Variants in CAP2 observed in about 807,000 individuals in gnomAD.
CAP2 encodes cyclase associated actin cytoskeleton regulatory protein 2.
Under a neutral mutation model 57.7 loss-of-function variants are expected in CAP2, and 24 were observed. That is an observed-to-expected ratio of 0.42 (90% confidence interval 0.30 to 0.58). CAP2 has a LOEUF of 0.58. Among genes scored for constraint, CAP2 ranks in the 20% least tolerant of loss-of-function variants. CAP2 has a pLI of 0.22. For synonymous variants in CAP2, 194 were observed against 207.2 expected, an observed-to-expected ratio of 0.94 and a Z score of 0.55; for missense variants, 501 against 590.3, an observed-to-expected ratio of 0.85 and a Z score of 1.57.
At position 17,556,960 on chromosome 6, in the gene CAP2, T is replaced by C. The variant is rs1262218360; in HGVS notation, c.*518T>C. Reference sequence around the variant, plus strand: ...TGGATACTGTCAGCATGAGTACATATTTCAACCCACGCTTGTAAAAGACAT... The same window carrying C: ...TGGATACTGTCAGCATGAGTACATACTTCAACCCACGCTTGTAAAAGACAT... On this transcript the variant is annotated 3_prime_UTR_variant, in exon 13 of 13. Transcript: ENST00000229922. 2 of 147,686 alleles carry C rather than the reference T, an allele frequency of 1.4e-5. No individual in the cohort carries two copies. Among genetic ancestry groups the C allele is most frequent in the East Asian group, 4.0e-4 (2 of 5,018 alleles). The allele number at this position is 147,686 out of a possible 1,614,324, so 9.1% of individuals were successfully genotyped here.
At chr6:17,424,445 T>A (rs2113536053) in intron 2 of CAP2, among the ~76,000 whole-genome samples, 1 of 152,324 alleles carries the variant, frequency 6.6e-6, no homozygotes, top group South Asian at 2.1e-4. Flanking sequence ...CCCTTACAAA[T>A]GCATAATAGG....
chr6:17,556,513 G>C lies in CAP2; in HGVS notation c.*71G>C. On this transcript the variant is annotated 3_prime_UTR_variant, in exon 13 of 13. Coordinates refer to ENST00000229922, the MANE Select transcript of CAP2 (RefSeq NM_006366.3). ...ACAAACAAAAAAGCAGCAGTAAAGA[G>C]CTAGAAGTTGCAGTAGCCCCTACTG... 1 of 1,097,940 alleles carries C rather than the reference G, an allele frequency of 9.1e-7. No individual in the cohort carries two copies. Among genetic ancestry groups the C allele is most frequent in the Non-Finnish European group, 1.4e-6 (1 of 710,842 alleles). 68.0% of individuals were successfully genotyped at this position (1,097,940 alleles called of 1,614,324 possible).
chr6:17,397,100 C>T (rs13208812), intron 1 of CAP2, among the ~76,000 whole-genome samples: 37,991 of 151,966 alleles, frequency 0.25, 4,947 homozygotes, highest in South Asian at 0.35. Context: ...CTCTCTGTCG[C>T]CCAGGCTGGA....
At chr6:17,496,032 G>GT (rs1761660144) in intron 4 of CAP2, among the ~76,000 whole-genome samples, 2 of 132,524 alleles carry the variant, frequency 1.5e-5, no homozygotes, top group African/African-American at 5.8e-5. Flanking sequence ...GTGGGTGGGG[G>GT]GGGGGGGTAA....
chr6:17,432,719 C>CCTGG (rs1554122121), intron 3 of CAP2, among the ~76,000 whole-genome samples: 1 of 151,038 alleles, frequency 6.6e-6, no homozygotes, highest in East Asian at 2.0e-4. Context: ...CCCTCCACCC[C>CCTGG]CTTGCTTGCT....
chr6:17,480,084 C>T (rs1179640284), intron 4 of CAP2, among the ~76,000 whole-genome samples: 1 of 152,136 alleles, frequency 6.6e-6, no homozygotes, highest in Non-Finnish European at 1.5e-5. Context: ...CCATTCTTAT[C>T]ATCGTAACTG....
intron 1 of CAP2, among the ~76,000 whole-genome samples, chr6:17,411,014 C>T (rs1446438056): frequency 6.6e-6 from 1 of 151,574 alleles, no homozygotes; most frequent in African/African-American, 2.4e-5. Flanking sequence ...ATTAGCCTTT[C>T]CTGGATATTT....
At chr6:17,451,699 G>A (rs1261722043) in intron 3 of CAP2, among the ~76,000 whole-genome samples, 1 of 151,950 alleles carries the variant, frequency 6.6e-6, no homozygotes, top group African/African-American at 2.4e-5. Context: ...TAGTAGAGAC[G>A]GGGTTTCTCC....
At chr6:17,447,531 C>T (rs1174624681) in intron 3 of CAP2, among the ~76,000 whole-genome samples, 1 of 152,198 alleles carries the variant, frequency 6.6e-6, no homozygotes, top group Non-Finnish European at 1.5e-5. Context: ...CGGAGTCTTG[C>T]TCTGTCGCTC....
intron 4 of CAP2, among the ~76,000 whole-genome samples, chr6:17,464,694 G>A (rs1464640354): frequency 6.6e-6 from 1 of 152,224 alleles, no homozygotes; most frequent in Non-Finnish European, 1.5e-5. Context: ...CACGTGAAAG[G>A]AGTTAGCTCA....
chr6:17,523,414 C>T (rs955219082), intron 7 of CAP2, among the ~76,000 whole-genome samples: 13 of 152,054 alleles, frequency 8.5e-5, no homozygotes, highest in Non-Finnish European at 2.9e-5. Flanking sequence ...CATCCAAACA[C>T]GTGGAGTCAG....
intron 3 of CAP2, among the ~76,000 whole-genome samples, chr6:17,428,093 A>C (rs1301337317): frequency 6.6e-6 from 1 of 152,216 alleles, no homozygotes; most frequent in East Asian, 1.9e-4. Flanking sequence ...AACACTATTA[A>C]GCTGTACACT....
At chr6:17,525,064 T>C (rs1486652172) in intron 7 of CAP2, among the ~76,000 whole-genome samples, 1 of 151,900 alleles carries the variant, frequency 6.6e-6, no homozygotes, top group East Asian at 1.9e-4. Context: ...ACCTGGCTAC[T>C]TTTTGTACTT....
intron 7 of CAP2, among the ~76,000 whole-genome samples, chr6:17,517,141 A>G (rs538110011): frequency 5.3e-5 from 8 of 152,338 alleles, no homozygotes; most frequent in Non-Finnish European, 1.0e-4. Context: ...CATCTTTGCC[A>G]TGGTGATAGA....
chr6:17,542,437 C>T (rs112653306), intron 9 of CAP2, among the ~76,000 whole-genome samples: 1,947 of 149,780 alleles, frequency 0.013, 23 homozygotes, highest in Middle Eastern at 0.021. Flanking sequence ...GAGTTGTCAT[C>T]GCCTTGAAAA....
intron 7 of CAP2, among the ~76,000 whole-genome samples, chr6:17,518,160 T>A (rs954382637): frequency 1.3e-5 from 2 of 152,200 alleles, no homozygotes; most frequent in Admixed American, 6.5e-5. Context: ...AAATCTTTTG[T>A]CAAGCTTTAA....
rs1763170995 is a variant in CAP2 at position 17,551,529 on chromosome 6, A to G, written c.1275A>G (p.Glu425=). The change falls in exon 12 of 13, where the codon GAA becomes GAG. Residue 425 remains glutamate (E), a synonymous_variant. Coordinates refer to ENST00000229922, the MANE Select transcript of CAP2 (RefSeq NM_006366.3). ...KTEGCHIYLS[E]DALDCEIVSA... is the part of the protein sequence containing the mutation. ...AAGGTTGCCACATATACCTCAGTGA[A>G]GATGCATTAGACTGTGAGATCGTGA... 8 of 1,610,504 alleles carry G rather than the reference A, an allele frequency of 5.0e-6. No individual in the cohort carries two copies. The highest frequency in any genetic ancestry group is 6.8e-6 in the Non-Finnish European group (8 of 1,176,888).
intron 4 of CAP2, among the ~76,000 whole-genome samples, chr6:17,475,279 G>T (rs1305073020): frequency 2.0e-5 from 3 of 152,034 alleles, no homozygotes; most frequent in Admixed American, 2.0e-4. Context: ...GGACATTGTC[G>T]TTTGGTGATG....
intron 7 of CAP2, among the ~76,000 whole-genome samples, chr6:17,517,588 T>A (rs984922911): frequency 6.6e-6 from 1 of 152,114 alleles, no homozygotes; most frequent in African/African-American, 2.4e-5. Context: ...CACTAGTGAG[T>A]CATATCTCAC....
Sources: gnomAD v4.1 joint callset for allele counts (sites outside exome capture counted in the v4.1 genomes callset) on GRCh38, gnomAD v4.1.1 for gene constraint, MANE v1.5 for transcripts, NCBI Gene and HGNC (gene_info 2026-07-23, HGNC 2026-07-21) for gene names.